Variants in MLYCD observed in about 807,000 individuals in gnomAD.
The protein encoded by MLYCD is malonyl-CoA decarboxylase.
MLYCD carries 27 observed loss-of-function variants against 35.8 expected under a neutral mutation model. That is an observed-to-expected ratio of 0.75 (90% CI 0.56 to 1.04). The LOEUF is 1.04. MLYCD is among the 50% of genes least tolerant of loss of function. The probability of loss-of-function intolerance (pLI) is 0.00; values close to 1 mark genes in which losing one functional copy is unlikely to be tolerated. For missense variants in MLYCD, 917 were observed against 665.1 expected, an observed-to-expected ratio of 1.38 and a Z score of -4.17; for synonymous variants, 403 against 302.4, an observed-to-expected ratio of 1.33 and a Z score of -3.45.
chr16:83,909,949 T>C (rs768637043), intron 3 of MLYCD, among the ~76,000 whole-genome samples: 4 of 152,084 alleles, frequency 2.6e-5, no homozygotes, highest in African/African-American at 7.2e-5. Context: ...TAGGTATTAT[T>C]ATGAGAAAAC....
At chr16:83,913,048 G>A (rs1907236212) in intron 4 of MLYCD, 1 of 160,030 alleles carries the variant, frequency 6.2e-6, no homozygotes, top group African/African-American at 2.4e-5. Context: ...ATTAGGTGCG[G>A]TAGCTAGATG....
rs1051172538 is a variant in MLYCD at position 83,926,480 on chromosome 16, A to C, written c.*10991A>C. 3.3e-5 allele frequency: 5 copies of C among 152,172 alleles called. No individual in the cohort carries two copies. Among genetic ancestry groups the C allele is most frequent in the Non-Finnish European group, 5.9e-5 (4 of 68,062 alleles). The allele number at this position is 152,172 out of a possible 1,614,324, so 9.4% of individuals were successfully genotyped here. A position where few individuals can be genotyped will look rare whatever the true frequency, so the allele number is the denominator to read the frequency against. ...TAATCCATCCGGGGAAGTTCCCTTT[A>C]AACCCAAAAGGGGACGGTGAAGCCA... On this transcript the variant is annotated 3_prime_UTR_variant, in exon 5 of 5. Transcript: ENST00000262430.
intron 3 of MLYCD, chr16:83,911,702 G>A (rs561868012): frequency 4.4e-5 from 7 of 159,758 alleles, no homozygotes; most frequent in South Asian, 1.7e-4. Context: ...TCAAACAAAG[G>A]TATATTTCCT....
In MLYCD at chr16:83,899,405, G is replaced by C. The variant is rs1283344174; in HGVS notation, c.261G>C (p.Leu87=). Residue 87 remains leucine, a synonymous_variant, in exon 1 of 5, where the codon CTG becomes CTC. Coordinates refer to ENST00000262430, the MANE Select transcript of MLYCD (RefSeq NM_012213.3). ...GLAETAQRAE[L]LGRLARGFGV... is the part of the protein sequence containing the mutation. ...CCGAGACGGCCCAGCGGGCCGAACT[G>C]CTGGGCCGCCTGGCGCGGGGCTTCG... The C allele has an allele frequency of 1.3e-6, 2 of 1,520,892 alleles. No homozygotes were observed. Among genetic ancestry groups the C allele is most frequent in the Non-Finnish European group, 1.7e-6 (2 of 1,143,490 alleles). The allele number at this position is 1,520,892 out of a possible 1,614,324, so 94.2% of individuals were successfully genotyped here. A position where few individuals can be genotyped will look rare whatever the true frequency, so the allele number is the denominator to read the frequency against.
chr16:83,915,099 G>A lies in MLYCD; in HGVS notation c.1092G>A (p.Ser364=), dbSNP rs181840735. The A allele has an allele frequency of 2.2e-5, 35 of 1,614,258 alleles. 2 individuals carry two copies. The highest frequency in any genetic ancestry group is 2.0e-4 in the South Asian group (18 of 91,088). Residue 364 remains serine, a synonymous_variant, in exon 5 of 5, where the codon TCG becomes TCA. Transcript: ENST00000262430. ...CAGATTCGGAATGTAAGGAAATCTC[G>A]GAGATCACAGGTGGCCCCATTAACG... ...LFTDSECKEI[S]EITGGPINET...
Position 83,899,338 on chromosome 16 carries a change from A to T in MLYCD, c.194A>T (p.Glu65Val). Reference sequence around the variant, plus strand: ...CGCGAGAAGACACCGGCGCCCGCCGAGGGTCAGTGCGCGGACTTCGTGAGC... The same window carrying T: ...CGCGAGAAGACACCGGCGCCCGCCGTGGGTCAGTGCGCGGACTTCGTGAGC... ...ELREKTPAPA[E>V]GQCADFVSFY... is the part of the protein sequence containing the mutation. The change falls in exon 1 of 5, where the codon GAG becomes GTG. Residue 65 changes from glutamate (E) to valine (V), a missense_variant. Glu to Val is a moderately radical substitution (Grantham distance 121). Coordinates refer to ENST00000262430, the MANE Select transcript of MLYCD (RefSeq NM_012213.3). 1 of 1,513,158 alleles carries T rather than the reference A, an allele frequency of 6.6e-7. No homozygotes were observed. The highest frequency in any genetic ancestry group is 8.8e-7 in the Non-Finnish European group (1 of 1,138,816). 93.7% of individuals were successfully genotyped at this position (1,513,158 alleles called of 1,614,324 possible).
chr16:83,913,907 T>A (rs1907277543), intron 4 of MLYCD: 1 of 151,872 alleles, frequency 6.6e-6, no homozygotes. Flanking sequence ...CATAATAGGC[T>A]GCTTTTTTTA....
rs551277273 is a variant in MLYCD, at chr16:83,924,733, C to T, written c.*9244C>T. On this transcript the variant is annotated 3_prime_UTR_variant, in exon 5 of 5. Coordinates refer to ENST00000262430, the MANE Select transcript of MLYCD (RefSeq NM_012213.3). Reference sequence around the variant, plus strand: ...AGAACTGGCCATTTGCAGTCTCCACCCCAGTGTGGCTCACGATGCCACCTC... The same window carrying T: ...AGAACTGGCCATTTGCAGTCTCCACTCCAGTGTGGCTCACGATGCCACCTC... 7.9e-5 allele frequency: 12 copies of T among 152,312 alleles called. No homozygotes were observed. Among genetic ancestry groups the T allele is most frequent in the African/African-American group, 2.6e-4 (11 of 41,566 alleles). The allele number at this position is 152,312 out of a possible 1,614,324, so 9.4% of individuals were successfully genotyped here. A position where few individuals can be genotyped will look rare whatever the true frequency, so the allele number is the denominator to read the frequency against.
chr16:83,908,296 T>G lies in MLYCD; in HGVS notation c.798+14T>G. 1 of 1,613,818 alleles carries G rather than the reference T, an allele frequency of 6.2e-7. No individual in the cohort carries two copies. The highest frequency in any genetic ancestry group is 8.5e-7 in the Non-Finnish European group (1 of 1,179,980). On this transcript the variant is annotated intron_variant, in intron 3 of 4. Transcript: ENST00000262430. Reference sequence around the variant, plus strand: ...AGCAACATCCAGGTACCTGCGATGGTCAATTCGGGACAAGATGGGCACCCC... The same window carrying G: ...AGCAACATCCAGGTACCTGCGATGGGCAATTCGGGACAAGATGGGCACCCC...
chr16:83,908,375 C>CTTTTT, intron 3 of MLYCD, 93 bp downstream of exon 3: 1 of 1,174,710 alleles, frequency 8.5e-7, no homozygotes, highest in Non-Finnish European at 1.1e-6. Flanking sequence ...TTTTATCCTC[C>CTTTTT]TTTTTTTTTT....
intron 1 of MLYCD, among the ~76,000 whole-genome samples, chr16:83,905,187 C>T (rs569178479): frequency 6.6e-6 from 1 of 151,808 alleles, no homozygotes; most frequent in South Asian, 2.1e-4. Flanking sequence ...TGCACCACTG[C>T]ACTCCAGCCT....
In MLYCD at chr16:83,925,437, C is replaced by G. The variant is rs2151064646; in HGVS notation, c.*9948C>G. 1 of 152,586 alleles carries G rather than the reference C, an allele frequency of 6.6e-6. No homozygotes were observed. The highest frequency in any genetic ancestry group is 2.1e-4 in the South Asian group (1 of 4,842). 9.5% of individuals were successfully genotyped at this position (152,586 alleles called of 1,614,324 possible). ...TGGCCCAGGTTACAAAGTCTCCTTCCTGATTATGTGCATTAACTAACCTCG... is the reference window on the plus strand; with the variant it reads ...TGGCCCAGGTTACAAAGTCTCCTTCGTGATTATGTGCATTAACTAACCTCG... On this transcript the variant is annotated 3_prime_UTR_variant, in exon 5 of 5. Transcript: ENST00000262430.
At chr16:83,907,723 C>G (rs76317419) in intron 2 of MLYCD, among the ~76,000 whole-genome samples, 2 of 152,090 alleles carry the variant, frequency 1.3e-5, no homozygotes, top group Admixed American at 1.3e-4. Flanking sequence ...AACAAAATAG[C>G]GGTGGGGCGA....
At chr16:83,911,963 C>G in intron 3 of MLYCD, 1 of 512,678 alleles carries the variant, frequency 2.0e-6, no homozygotes, top group South Asian at 2.0e-5. Flanking sequence ...TGCTCTTCAA[C>G]AAAGTTTGCA....
In MLYCD at chr16:83,918,248, C is replaced by G. The variant is rs942709486; in HGVS notation, c.*2759C>G. On this transcript the variant is annotated 3_prime_UTR_variant, in exon 5 of 5. Coordinates refer to ENST00000262430, the MANE Select transcript of MLYCD (RefSeq NM_012213.3). ...AAATTCTGGTGAAAGCCAGGTAGGC[C>G]TCGCCGCAGGAGAACACATACATGG... 2 of 152,252 alleles carry G rather than the reference C, an allele frequency of 1.3e-5. No homozygotes were observed. The highest frequency in any genetic ancestry group is 2.4e-5 in the African/African-American group (1 of 41,456). The allele number at this position is 152,252 out of a possible 1,614,324, so 9.4% of individuals were successfully genotyped here. A position where few individuals can be genotyped will look rare whatever the true frequency, so the allele number is the denominator to read the frequency against.
rs1462823767 is a variant in MLYCD at position 83,899,294 on chromosome 16, G to T, written c.150G>T (p.Pro50=). ...MDELLRRAVP[P]TPAYELREKT... ...AGCTGCTGCGCCGCGCGGTGCCGCC[G>T]ACGCCGGCCTACGAGCTGCGCGAGA... Residue 50 remains proline (P), a synonymous_variant, in exon 1 of 5, where the codon CCG becomes CCT. Coordinates refer to ENST00000262430, the MANE Select transcript of MLYCD (RefSeq NM_012213.3). 2 of 1,480,482 alleles carry T rather than the reference G, an allele frequency of 1.4e-6. No homozygotes were observed. Among genetic ancestry groups the T allele is most frequent in the Non-Finnish European group, 1.8e-6 (2 of 1,121,676 alleles). The allele number at this position is 1,480,482 out of a possible 1,614,324, so 91.7% of individuals were successfully genotyped here.
At position 83,915,035 on chromosome 16, in the gene MLYCD, A is replaced by G. The variant is rs774995190; in HGVS notation, c.1028A>G (p.Asn343Ser). The change falls in exon 5 of 5, where the codon AAC becomes AGC. Residue 343 changes from asparagine to serine, a missense_variant. Coordinates refer to ENST00000262430, the MANE Select transcript of MLYCD (RefSeq NM_012213.3). Reference protein sequence around the residue: ...GFTKWLLGLLNSQTKEHGRNE... With the variant: ...GFTKWLLGLLSSQTKEHGRNE... ...ACCAAATGGCTTCTGGGGCTTCTGA[A>G]CTCGCAAACGAAGGAGCATGGGAGG... The G allele has an allele frequency of 1.2e-6, 2 of 1,614,148 alleles. No homozygotes were observed. Among genetic ancestry groups the G allele is most frequent in the South Asian group, 1.1e-5 (1 of 91,078 alleles).
At position 83,915,983 on chromosome 16, in the gene MLYCD, T is replaced by G; in HGVS notation, c.*494T>G. ...AGAGGGACAAAGGGCTGTGCTACACTTCCCAGTTACATTCTGAAGCTCATA... is the reference window on the plus strand; with the variant it reads ...AGAGGGACAAAGGGCTGTGCTACACGTCCCAGTTACATTCTGAAGCTCATA... On this transcript the variant is annotated 3_prime_UTR_variant, in exon 5 of 5. Coordinates refer to ENST00000262430, the MANE Select transcript of MLYCD (RefSeq NM_012213.3). 1 of 1,017,870 alleles carries G rather than the reference T, an allele frequency of 9.8e-7. No individual in the cohort carries two copies. The highest frequency in any genetic ancestry group is 4.0e-5 in the South Asian group (1 of 24,876). 63.1% of individuals were successfully genotyped at this position (1,017,870 alleles called of 1,614,324 possible). A position where few individuals can be genotyped will look rare whatever the true frequency, so the allele number is the denominator to read the frequency against.
chr16:83,912,403 C>G (rs762261574), intron 4 of MLYCD, 36 bp downstream of exon 4: 1 of 1,613,666 alleles, frequency 6.2e-7, no homozygotes, highest in Non-Finnish European at 8.5e-7. Context: ...TCACGCTTGG[C>G]TTCCGTGTGG....
Sources: allele counts gnomAD v4.1 joint callset (sites outside exome capture counted in the v4.1 genomes callset), GRCh38; gene constraint gnomAD v4.1.1; transcripts MANE v1.5; gene names NCBI Gene and HGNC (gene_info 2026-07-23, HGNC 2026-07-21).